TUSC3: variants seen among roughly 807,000 people sequenced by gnomAD.
TUSC3 encodes the protein tumor suppressor candidate 3.
Under a neutral mutation model 44.8 loss-of-function variants are expected in TUSC3, and 45 were observed. That is an observed-to-expected ratio of 1.00 (90% CI 0.79 to 1.29). The LOEUF (loss-of-function observed/expected upper bound fraction) is 1.29. Among genes scored for constraint, TUSC3 ranks in the 50% most tolerant of loss-of-function variants. The pLI is 0.00. For missense variants in TUSC3, 519 were observed against 437.9 expected, an observed-to-expected ratio of 1.19 and a Z score of -1.65; for synonymous variants, 212 against 152.9, an observed-to-expected ratio of 1.39 and a Z score of -2.85.
intron 1 of TUSC3, among the ~76,000 whole-genome samples, chr8:15,555,105 T>G (rs1802200118): frequency 6.7e-6 from 1 of 149,212 alleles, no homozygotes. Context: ...TTCTCCTTGA[T>G]TAGGTACGTA....
At chr8:15,665,080 A>C (rs1344540473) in intron 5 of TUSC3, among the ~76,000 whole-genome samples, 1 of 151,656 alleles carries the variant, frequency 6.6e-6, no homozygotes, top group Non-Finnish European at 1.5e-5. Flanking sequence ...GTTTAAAATA[A>C]CTAATATCTC....
At chr8:15,669,480 CATTT>C (rs1403765759) in intron 5 of TUSC3, among the ~76,000 whole-genome samples, 1 of 151,650 alleles carries the variant, frequency 6.6e-6, no homozygotes, top group Non-Finnish European at 1.5e-5. Context: ...GATATAGATG[CATTT>C]ATTCTAAACA....
downstream of TUSC3, among the ~76,000 whole-genome samples, chr8:15,768,229 G>A (rs551224272): frequency 1.3e-5 from 2 of 151,898 alleles, no homozygotes; most frequent in Non-Finnish European, 2.9e-5. Flanking sequence ...CTAGGCTAAT[G>A]GAATAAATAC....
chr8:15,711,711 G>T (rs1236145801), intron 6 of TUSC3, among the ~76,000 whole-genome samples: 2 of 151,530 alleles, frequency 1.3e-5, no homozygotes, highest in Non-Finnish European at 3.0e-5. Context: ...ATAACTTCTT[G>T]TGAACAATAG....
At chr8:15,490,832 C>A (rs1448038555) in intron 2 of TUSC3, among the ~76,000 whole-genome samples, 1 of 152,116 alleles carries the variant, frequency 6.6e-6, no homozygotes, top group Admixed American at 6.6e-5. Context: ...TGTTGTAAAT[C>A]AAAGAAAATC....
chr8:15,559,382 T>C (rs1051424655), intron 1 of TUSC3, among the ~76,000 whole-genome samples: 8 of 148,892 alleles, frequency 5.4e-5, no homozygotes, highest in African/African-American at 1.5e-4. Context: ...TTGTTATAAT[T>C]TCTGTTCTTT....
chr8:15,704,946 T>A (rs1262966094), intron 6 of TUSC3, among the ~76,000 whole-genome samples: 1 of 149,902 alleles, frequency 6.7e-6, no homozygotes, highest in Admixed American at 6.7e-5. Flanking sequence ...CTGTATTCTT[T>A]AAAAAAAAAA....
chr8:15,663,092 T>C lies in TUSC3; in HGVS notation c.708+796T>C, dbSNP rs10097312. ...GCCAATAGCCGAAACTCATTAGGAT[T>C]TTATACACAAAACAATTCAGTTATA... On this transcript the variant is annotated intron_variant, in intron 5 of 10. Coordinates refer to ENST00000503731, the MANE Select transcript of TUSC3 (RefSeq NM_006765.4). 3.5e-3 allele frequency among the ~76,000 whole-genome samples: 532 copies of C among 151,952 alleles called. 7 individuals carry two copies. The highest frequency in any genetic ancestry group is 0.012 in the African/African-American group (511 of 41,488).
At chr8:15,774,879 A>C in the TUSC3 span, among the ~76,000 whole-genome samples, 1 of 152,128 alleles carries the variant, frequency 6.6e-6, no homozygotes, top group East Asian at 1.9e-4. Context: ...CGTTGTGGGA[A>C]TTTAAAATGA....
At chr8:15,683,999 G>T (rs1053632488) in intron 6 of TUSC3, among the ~76,000 whole-genome samples, 1 of 151,956 alleles carries the variant, frequency 6.6e-6, no homozygotes, top group Non-Finnish European at 1.5e-5. Flanking sequence ...GTGTAATTCA[G>T]AGTGCAGTCC....
chr8:15,842,751 G>A, the TUSC3 span, among the ~76,000 whole-genome samples: 133 of 152,300 alleles, frequency 8.7e-4, no homozygotes, highest in African/African-American at 3.2e-3. Context: ...AACGCGAGAA[G>A]GTCCTTTGGT....
At chr8:15,424,929 G>C (rs374111309) in intron 1 of TUSC3, among the ~76,000 whole-genome samples, 244 of 152,080 alleles carry the variant, frequency 1.6e-3, no homozygotes, top group African/African-American at 5.6e-3. Flanking sequence ...GCTAGCATTA[G>C]GGAATGGGCA....
intron 3 of TUSC3, among the ~76,000 whole-genome samples, chr8:15,655,814 C>T (rs1314381655): frequency 6.6e-6 from 1 of 152,182 alleles, no homozygotes; most frequent in African/African-American, 2.4e-5. Flanking sequence ...ATTACTATTA[C>T]ATAACATTAG....
At chr8:15,650,835 CATATATTT>C (rs760800439) in intron 3 of TUSC3, 21 bp downstream of exon 3, 1 of 1,593,802 alleles carries the variant, frequency 6.3e-7, no homozygotes, top group Non-Finnish European at 8.6e-7. Flanking sequence ...ATATCGTATT[CATATATTT>C]AACATAGTTG....
At chr8:15,661,542 C>T (rs903983161) in intron 4 of TUSC3, among the ~76,000 whole-genome samples, 1 of 151,874 alleles carries the variant, frequency 6.6e-6, no homozygotes, top group Non-Finnish European at 1.5e-5. Context: ...TCTATAGGCA[C>T]GTAATGTCCA....
intron 2 of TUSC3, among the ~76,000 whole-genome samples, chr8:15,497,000 A>C (rs1800889107): frequency 1.3e-5 from 2 of 152,220 alleles, no homozygotes; most frequent in Non-Finnish European, 2.9e-5. Flanking sequence ...ACAGAAAAAA[A>C]TCCTCTATCT....
chr8:15,840,861 C>G, the TUSC3 span, among the ~76,000 whole-genome samples: 1 of 152,204 alleles, frequency 6.6e-6, no homozygotes, highest in African/African-American at 2.4e-5. Flanking sequence ...AAGTTAATGA[C>G]ATAAACAAGA....
At chr8:15,774,222 A>C in the TUSC3 span, among the ~76,000 whole-genome samples, 2 of 145,156 alleles carry the variant, frequency 1.4e-5, no homozygotes, top group Non-Finnish European at 3.1e-5. Context: ...ATGGAGTTTA[A>C]GCGTCAAATT....
chr8:15,728,065 A>G lies in TUSC3; in HGVS notation c.799-2601A>G, dbSNP rs192581968. ...AGTCTCTAAGGACAAAGTGTGATTTATTTTAACCTGGCTGCATTTTTAAAT... is the reference window on the plus strand; with the variant it reads ...AGTCTCTAAGGACAAAGTGTGATTTGTTTTAACCTGGCTGCATTTTTAAAT... On this transcript the variant is annotated intron_variant, in intron 6 of 10. Transcript: ENST00000503731. Among the ~76,000 whole-genome samples the G allele has an allele frequency of 6.8e-4, 104 of 152,300 alleles. No individual in the cohort carries two copies. The East Asian group carries it at 0.013, about 18-fold the overall frequency.
Sources: gnomAD v4.1 joint callset for allele counts (sites outside exome capture counted in the v4.1 genomes callset) on GRCh38, gnomAD v4.1.1 for gene constraint, MANE v1.5 for transcripts, NCBI Gene and HGNC (gene_info 2026-07-23, HGNC 2026-07-21) for gene names.